Variants in LRRC7 observed in about 807,000 individuals in gnomAD.
The protein encoded by LRRC7 is leucine-rich repeat-containing protein 7.
LRRC7 carries 23 observed loss-of-function variants against 175.7 expected under a neutral mutation model. The observed-to-expected ratio is 0.13, with a 90% CI of 0.09 to 0.19. The LOEUF (loss-of-function observed/expected upper bound fraction) is 0.19, where lower values mean the gene tolerates loss of function less well. LRRC7 is among the 10% of genes least tolerant of loss of function. The pLI is 1.00. For missense variants in LRRC7, 1,354 were observed against 1,904.7 expected, an observed-to-expected ratio of 0.71 and a Z score of 5.38; for synonymous variants, 685 against 680.9, an observed-to-expected ratio of 1.01 and a Z score of -0.09.
At chr1:69,929,128 A>C (rs1647188145) in intron 7 of LRRC7, among the ~76,000 whole-genome samples, 1 of 152,106 alleles carries the variant, frequency 6.6e-6, no homozygotes, top group South Asian at 2.1e-4. Context: ...TCAAGACCTC[A>C]CAATAGTATT....
rs1275568334 is a variant in LRRC7 at position 70,141,797 on chromosome 1, G to A, written c.*19910G>A. 1.3e-5 allele frequency: 2 copies of A among 151,936 alleles called. No individual in the cohort carries two copies. Among genetic ancestry groups the A allele is most frequent in the African/African-American group, 4.8e-5 (2 of 41,368 alleles). The allele number at this position is 151,936 out of a possible 1,614,324, so 9.4% of individuals were successfully genotyped here. ...GTTTCTTATATTGAAAACTTTTATG[G>A]TGACTCAGGTTTTGTGTCTATGTAT... is the stretch of plus-strand genomic sequence containing the variant. On this transcript the variant is annotated 3_prime_UTR_variant, in exon 27 of 27. Transcript: ENST00000651989.
intron 1 of LRRC7, among the ~76,000 whole-genome samples, chr1:69,645,077 T>C (rs1352187364): frequency 6.6e-6 from 1 of 152,158 alleles, no homozygotes; most frequent in East Asian, 1.9e-4. Context: ...TTCATTGTTG[T>C]AACTTGTACA....
chr1:69,902,582 A>C (rs1646166038), intron 7 of LRRC7, among the ~76,000 whole-genome samples: 1 of 152,162 alleles, frequency 6.6e-6, no homozygotes. Flanking sequence ...ACAAAACAAA[A>C]AAAAAAGCTT....
At chr1:69,706,674 A>T (rs1047422916) in intron 2 of LRRC7, among the ~76,000 whole-genome samples, 1 of 152,196 alleles carries the variant, frequency 6.6e-6, no homozygotes, top group Admixed American at 6.5e-5. Flanking sequence ...ATGATGCAGG[A>T]AATAGACAAT....
chr1:69,837,269 G>T (rs963281939), intron 6 of LRRC7, among the ~76,000 whole-genome samples: 2 of 151,834 alleles, frequency 1.3e-5, no homozygotes, highest in Non-Finnish European at 2.9e-5. Context: ...TAAAATATGC[G>T]CCTTAGAGTC....
At chr1:69,887,867 A>G (rs371533066) in intron 7 of LRRC7, among the ~76,000 whole-genome samples, 9,235 of 144,812 alleles carry the variant, frequency 0.064, 678 homozygotes, top group African/African-American at 0.18. Context: ...GTCTGTTGGA[A>G]TACCCTGCTG....
At chr1:69,830,480 T>C (rs1680404835) in intron 5 of LRRC7, among the ~76,000 whole-genome samples, 1 of 151,900 alleles carries the variant, frequency 6.6e-6, no homozygotes. Flanking sequence ...CGAATCCATT[T>C]TTCATTCTAT....
intron 4 of LRRC7, among the ~76,000 whole-genome samples, chr1:69,819,874 CT>C (rs962952603): frequency 6.6e-6 from 1 of 152,056 alleles, no homozygotes; most frequent in Non-Finnish European, 1.5e-5. Context: ...CTCCTGCTCT[CT>C]TTTGGTTTAT....
intron 24 of LRRC7, among the ~76,000 whole-genome samples, chr1:70,077,778 G>A (rs1389047972): frequency 1.3e-5 from 2 of 152,144 alleles, no homozygotes; most frequent in Non-Finnish European, 2.9e-5. Flanking sequence ...GTTTACACAT[G>A]TATTGAGTTT....
At chr1:69,714,340 C>T (rs373692803) in intron 2 of LRRC7, among the ~76,000 whole-genome samples, 2 of 152,126 alleles carry the variant, frequency 1.3e-5, no homozygotes, top group Admixed American at 6.5e-5. Context: ...ATATACCATC[C>T]CTGAAATTTG....
At chr1:69,586,315 A>G (rs1646401277) in intron 1 of LRRC7, among the ~76,000 whole-genome samples, 1 of 152,108 alleles carries the variant, frequency 6.6e-6, no homozygotes, top group African/African-American at 2.4e-5. Context: ...TCTTTGTAGA[A>G]TTAATTTTCC....
chr1:70,108,265 T>A (rs1422215983), intron 26 of LRRC7, among the ~76,000 whole-genome samples: 1 of 152,032 alleles, frequency 6.6e-6, no homozygotes, highest in Non-Finnish European at 1.5e-5. Context: ...TAATACATCA[T>A]TCTACTCCCC....
At chr1:69,684,562 C>G (rs1242807799) in intron 2 of LRRC7, among the ~76,000 whole-genome samples, 1 of 152,124 alleles carries the variant, frequency 6.6e-6, no homozygotes, top group Admixed American at 6.5e-5. Flanking sequence ...AAAAATTCTT[C>G]AACAGACCAT....
chr1:69,781,238 G>A (rs1673447033), intron 3 of LRRC7, among the ~76,000 whole-genome samples: 1 of 151,982 alleles, frequency 6.6e-6, no homozygotes, highest in African/African-American at 2.4e-5. Context: ...TAATTCTTCT[G>A]GGGCCTGCGG....
At chr1:69,708,449 C>T (rs963545603) in intron 2 of LRRC7, among the ~76,000 whole-genome samples, 4 of 152,100 alleles carry the variant, frequency 2.6e-5, no homozygotes, top group African/African-American at 4.8e-5. Context: ...CCTTTTTGAA[C>T]GTTGTTTCTT....
At chr1:70,119,344 C>T (rs1021824795) in intron 26 of LRRC7, among the ~76,000 whole-genome samples, 5 of 152,056 alleles carry the variant, frequency 3.3e-5, no homozygotes, top group African/African-American at 1.2e-4. Flanking sequence ...CATATATGTA[C>T]TGAGGGCTCA....
chr1:69,856,046 T>C (rs1683572531), intron 7 of LRRC7, among the ~76,000 whole-genome samples: 1 of 152,178 alleles, frequency 6.6e-6, no homozygotes, highest in African/African-American at 2.4e-5. Flanking sequence ...GTGTCCTGAA[T>C]ACAGCACATT....
chr1:70,133,632 T>C lies in LRRC7; in HGVS notation c.*11745T>C, dbSNP rs948374404. ...GAAAAAAACAAGAGCTTTGAGCTTA[T>C]TTTAGGCAGTTTATATGTTTTTTTA... On this transcript the variant is annotated 3_prime_UTR_variant, in exon 27 of 27. Transcript: ENST00000651989. Among the ~76,000 whole-genome samples the C allele has an allele frequency of 6.6e-6, 1 of 152,204 alleles. No homozygotes were observed. Among genetic ancestry groups the C allele is most frequent in the Non-Finnish European group, 1.5e-5 (1 of 68,032 alleles).
At chr1:69,787,408 C>G (rs1674581436) in intron 3 of LRRC7, among the ~76,000 whole-genome samples, 1 of 152,252 alleles carries the variant, frequency 6.6e-6, no homozygotes, top group African/African-American at 2.4e-5. Flanking sequence ...GGAGCTCCGA[C>G]CCCACATTTC....
Sources: gnomAD v4.1 joint callset for allele counts (sites outside exome capture counted in the v4.1 genomes callset) on GRCh38, gnomAD v4.1.1 for gene constraint, MANE v1.5 for transcripts, NCBI Gene and HGNC (gene_info 2026-07-23, HGNC 2026-07-21) for gene names.